SLC1A1: variants seen among roughly 807,000 people sequenced by gnomAD.
SLC1A1 encodes solute carrier family 1 member 1, also known as excitatory amino acid transporter 3.
SLC1A1 carries 43 observed loss-of-function variants against 53.3 expected under a neutral mutation model. The observed-to-expected ratio is 0.81, with a 90% CI of 0.63 to 1.04. The LOEUF (loss-of-function observed/expected upper bound fraction) is 1.04, where lower values mean the gene tolerates loss of function less well. SLC1A1 is among the 50% of genes least tolerant of loss of function. The probability of loss-of-function intolerance (pLI) is 0.00; values close to 1 mark genes in which losing one functional copy is unlikely to be tolerated. For synonymous variants in SLC1A1, 307 were observed against 243.2 expected (o/e 1.26, Z -2.44); for missense variants, 748 against 664.9 (o/e 1.12, Z -1.37).
intron 2 of SLC1A1, 33 bp downstream of exon 2, chr9:4,544,740 GTC>G (rs1817312948): frequency 6.4e-7 from 1 of 1,574,434 alleles, no homozygotes; most frequent in African/African-American, 1.3e-5. Flanking sequence ...CTCTATATTA[GTC>G]CATTTTCATA....
chr9:4,521,250 T>C (rs1452284624), intron 1 of SLC1A1, among the ~76,000 whole-genome samples: 1 of 152,252 alleles, frequency 6.6e-6, no homozygotes, highest in African/African-American at 2.4e-5. Flanking sequence ...TTAATTTTTT[T>C]CTGCCATATT....
At chr9:4,535,258 A>G (rs1288287651) in intron 1 of SLC1A1, among the ~76,000 whole-genome samples, 6 of 152,310 alleles carry the variant, frequency 3.9e-5, no homozygotes, top group African/African-American at 1.4e-4. Context: ...GGAAAAGAGA[A>G]GTCAAATTGT....
At chr9:4,547,055 T>C (rs1817553375) in intron 2 of SLC1A1, among the ~76,000 whole-genome samples, 3 of 152,230 alleles carry the variant, frequency 2.0e-5, no homozygotes, top group African/African-American at 4.8e-5. Context: ...AATACATGTA[T>C]GAATGTCTAA....
chr9:4,557,346 T>A (rs891009377), intron 2 of SLC1A1, among the ~76,000 whole-genome samples: 2 of 152,258 alleles, frequency 1.3e-5, no homozygotes, highest in South Asian at 4.1e-4. Context: ...AAAGAGCTTT[T>A]CCTGAATTTG....
At chr9:4,572,071 T>C (rs370792270) in intron 6 of SLC1A1, 133 bp from the exon 7 acceptor site, 4 of 756,720 alleles carry the variant, frequency 5.3e-6, no homozygotes, top group Non-Finnish European at 2.3e-6. Context: ...ATATTTTCTA[T>C]AGTTTTGTTG....
chr9:4,541,724 C>T (rs983947418), intron 1 of SLC1A1, among the ~76,000 whole-genome samples: 9 of 152,194 alleles, frequency 5.9e-5, no homozygotes, highest in Non-Finnish European at 7.3e-5. Context: ...AAAGTTTCAA[C>T]GGCTGAGATT....
rs180922850 is a variant in SLC1A1 at position 4,498,045 on chromosome 9, G to A, written c.91+7275G>A. Among the ~76,000 whole-genome samples, 19 of 152,314 alleles carry A rather than the reference G, an allele frequency of 1.2e-4. 1 individual carries two copies. In the East Asian group the frequency reaches 1.7e-3, roughly 14 times the overall value. On this transcript the variant is annotated intron_variant, in intron 1 of 11. Coordinates refer to ENST00000262352, the MANE Select transcript of SLC1A1 (RefSeq NM_004170.6). ...TTAGGATCAGGAACTAGTGGTATGC[G>A]TGCTGAGTAATTGTTGACTTGGGTT...
chr9:4,527,427 T>C (rs902154563), intron 1 of SLC1A1, among the ~76,000 whole-genome samples: 3 of 152,338 alleles, frequency 2.0e-5, no homozygotes, highest in South Asian at 4.1e-4. Flanking sequence ...ATCTACCCTG[T>C]TGTATGAAAG....
Position 4,583,066 on chromosome 9 carries a change from G to A in SLC1A1, c.1222G>A (p.Ala408Thr). 6.2e-7 allele frequency: 1 copy of A among 1,614,238 alleles called. No individual in the cohort carries two copies. Residue 408 changes from alanine to threonine, a missense_variant, in exon 11 of 12, where the codon GCT becomes ACT. Ala to Thr is a moderately conservative substitution (Grantham distance 58). Transcript: ENST00000262352. This position sits in a 1 kb window ranked among gnomAD's most constrained non-coding sequence, Gnocchi z 4.6. ...SITATSASIG[A>T]AGVPQAGLVT... ...CACGGCCACATCTGCCAGCATCGGAGCTGCTGGCGTGCCCCAGGCTGGCCT... is the reference window on the plus strand; with the variant it reads ...CACGGCCACATCTGCCAGCATCGGAACTGCTGGCGTGCCCCAGGCTGGCCT...
In SLC1A1 at chr9:4,528,617, T is replaced by C. The variant is rs543570020; in HGVS notation, c.92-15950T>C. Among the ~76,000 whole-genome samples, 10 of 152,212 alleles carry C rather than the reference T, an allele frequency of 6.6e-5. No individual in the cohort carries two copies. In the South Asian group the frequency reaches 2.1e-3, roughly 32 times the overall value. ...AAAAAATGCAAGTTAGATTTTCTTATAGTTTGAGAGTATTCTGGTTTAAGA... is the reference window on the plus strand; with the variant it reads ...AAAAAATGCAAGTTAGATTTTCTTACAGTTTGAGAGTATTCTGGTTTAAGA... On this transcript the variant is annotated intron_variant, in intron 1 of 11. Transcript: ENST00000262352.
At chr9:4,500,653 AG>A (rs1820600701) in intron 1 of SLC1A1, among the ~76,000 whole-genome samples, 1 of 152,154 alleles carries the variant, frequency 6.6e-6, no homozygotes, top group South Asian at 2.1e-4. Flanking sequence ...ATACTTGCTG[AG>A]GAACAGCCCC....
At chr9:4,506,620 G>T (rs544789492) in intron 1 of SLC1A1, among the ~76,000 whole-genome samples, 1 of 151,938 alleles carries the variant, frequency 6.6e-6, no homozygotes, top group African/African-American at 2.4e-5. Flanking sequence ...GGAAATACTT[G>T]AGTAATGCTT....
chr9:4,582,710 C>T (rs919868471), intron 10 of SLC1A1, among the ~76,000 whole-genome samples: 1 of 152,164 alleles, frequency 6.6e-6, no homozygotes, highest in Non-Finnish European at 1.5e-5. Context: ...TATTAACACC[C>T]CATTTAGTAA....
chr9:4,493,693 A>G (rs563588072), intron 1 of SLC1A1, among the ~76,000 whole-genome samples: 16 of 152,400 alleles, frequency 1.0e-4, no homozygotes, highest in South Asian at 8.3e-4. Context: ...GAGTGAGTTC[A>G]GGAGTTTGAG....
chr9:4,572,122 T>C, intron 6 of SLC1A1, 82 bp from the exon 7 acceptor site: 1 of 1,167,334 alleles, frequency 8.6e-7, no homozygotes. Context: ...GTTTGGTCAT[T>C]GTATCTTCTC....
chr9:4,558,627 G>C (rs1008511360), intron 2 of SLC1A1, among the ~76,000 whole-genome samples: 4 of 152,166 alleles, frequency 2.6e-5, no homozygotes, highest in Non-Finnish European at 4.4e-5. Flanking sequence ...CCAGCCCATG[G>C]CCAAATCATT....
At chr9:4,564,289 T>G in intron 3 of SLC1A1, 55 bp from the exon 4 acceptor site, 2 of 1,204,876 alleles carry the variant, frequency 1.7e-6, no homozygotes, top group Non-Finnish European at 2.4e-6. Flanking sequence ...GTGCCAGCTG[T>G]GCCAGGTGCC....
chr9:4,508,411 T>C (rs189411112), intron 1 of SLC1A1, among the ~76,000 whole-genome samples: 1 of 152,262 alleles, frequency 6.6e-6, no homozygotes, highest in East Asian at 1.9e-4. Context: ...GCCAGTTGGA[T>C]ATTTGCTCGA....
At chr9:4,513,327 AAT>A (rs2130817250) in intron 1 of SLC1A1, among the ~76,000 whole-genome samples, 1 of 152,366 alleles carries the variant, frequency 6.6e-6, no homozygotes, top group South Asian at 2.1e-4. Flanking sequence ...TTGTATCCAG[AAT>A]ATATAGAGAA....
Sources: gnomAD v4.1 joint callset for allele counts (sites outside exome capture counted in the v4.1 genomes callset) on GRCh38, gnomAD v4.1.1 for gene constraint, Gnocchi (gnomAD v3.1) non-coding constraint, MANE v1.5 for transcripts, NCBI Gene and HGNC (gene_info 2026-07-23, HGNC 2026-07-21) for gene names.